ADAMTS3: variants seen among roughly 807,000 people sequenced by gnomAD.
ADAMTS3 encodes the protein ADAM metallopeptidase with thrombospondin type 1 motif 3.
A neutral mutation model predicts 129.0 loss-of-function variants in ADAMTS3; 73 were observed. That is an observed-to-expected ratio of 0.57 (90% CI 0.47 to 0.69). ADAMTS3 has a LOEUF of 0.69. Ranked by LOEUF, ADAMTS3 falls within the 30% of genes least tolerant of loss-of-function variation. The probability of loss-of-function intolerance (pLI) is 0.00; values close to 1 mark genes in which losing one functional copy is unlikely to be tolerated. For missense variants in ADAMTS3, 1,457 were observed against 1,514.5 expected, an observed-to-expected ratio of 0.96 and a Z score of 0.63; for synonymous variants, 477 against 510.8, an observed-to-expected ratio of 0.93 and a Z score of 0.89.
chr4:72,343,439 C>A (rs948847794), intron 4 of ADAMTS3, among the ~76,000 whole-genome samples: 1 of 152,110 alleles, frequency 6.6e-6, no homozygotes, highest in African/African-American at 2.4e-5. Flanking sequence ...AAACATGTTA[C>A]CAAAAACTTC....
At position 72,480,576 on chromosome 4, in the gene ADAMTS3, A is replaced by C. The variant is rs190733045; in HGVS notation, c.505-65605T>G. ...CGGGGGACGGGGGAGGGATAGCATT[A>C]GGAGATATACCTAATGCTAAATGAC... On this transcript the variant is annotated intron_variant, in intron 3 of 21. Transcript: ENST00000286657. Among the ~76,000 whole-genome samples, 241 of 152,164 alleles carry C rather than the reference A, an allele frequency of 1.6e-3. 2 individuals carry two copies. Among genetic ancestry groups the C allele is most frequent in the African/African-American group, 5.6e-3 (231 of 41,536 alleles).
intron 2 of ADAMTS3, among the ~76,000 whole-genome samples, chr4:72,561,580 G>A (rs1441646885): frequency 1.3e-5 from 2 of 152,008 alleles, no homozygotes; most frequent in Non-Finnish European, 2.9e-5. Context: ...AAGAGAACTG[G>A]AACTCATGAA....
At chr4:72,333,443 A>T (rs1301942912) in intron 5 of ADAMTS3, among the ~76,000 whole-genome samples, 5 of 152,172 alleles carry the variant, frequency 3.3e-5, no homozygotes, top group Non-Finnish European at 5.9e-5. Context: ...ATTTTACCAT[A>T]AACTATCTAT....
chr4:72,472,377 C>A (rs1719094962), intron 3 of ADAMTS3, among the ~76,000 whole-genome samples: 2 of 151,988 alleles, frequency 1.3e-5, no homozygotes, highest in South Asian at 4.1e-4. Context: ...TATCTTTTAA[C>A]AACATGCAAA....
chr4:72,391,887 C>A (rs1471200276), intron 4 of ADAMTS3, among the ~76,000 whole-genome samples: 1 of 152,084 alleles, frequency 6.6e-6, no homozygotes, highest in African/African-American at 2.4e-5. Flanking sequence ...AAGAAGATAA[C>A]CTACAATCTG....
intron 12 of ADAMTS3, among the ~76,000 whole-genome samples, 171 bp from the exon 13 acceptor site, chr4:72,312,637 C>G: frequency 6.6e-6 from 1 of 152,154 alleles, no homozygotes; most frequent in South Asian, 2.1e-4. Context: ...TCTCTCCCTG[C>G]TGGGTGGAAA....
chr4:72,514,468 T>C (rs929832729), intron 3 of ADAMTS3, among the ~76,000 whole-genome samples: 4 of 152,140 alleles, frequency 2.6e-5, no homozygotes, highest in African/African-American at 9.7e-5. Context: ...CAAGACCAAA[T>C]CAAGCTAAGA....
At chr4:72,300,502 CT>C (rs1718921664) in intron 17 of ADAMTS3, among the ~76,000 whole-genome samples, 1 of 152,066 alleles carries the variant, frequency 6.6e-6, no homozygotes, top group African/African-American at 2.4e-5. Flanking sequence ...CTAAATAAAA[CT>C]TTGATTAACA....
intron 3 of ADAMTS3, among the ~76,000 whole-genome samples, chr4:72,479,782 C>T (rs1327355298): frequency 7.9e-5 from 12 of 152,108 alleles, no homozygotes; most frequent in African/African-American, 2.4e-4. Context: ...AGAAAATTTT[C>T]GCAACCTACT....
intron 17 of ADAMTS3, among the ~76,000 whole-genome samples, chr4:72,299,079 GT>G (rs1718887680): frequency 6.6e-6 from 1 of 151,272 alleles, no homozygotes; most frequent in African/African-American, 2.4e-5. Flanking sequence ...GTGTGTGTGT[GT>G]GTGTGTGTGT....
chr4:72,466,042 T>A (rs761555800), intron 3 of ADAMTS3, among the ~76,000 whole-genome samples: 29 of 152,066 alleles, frequency 1.9e-4, no homozygotes, highest in African/African-American at 6.8e-4. Context: ...ATTAGCAGCA[T>A]GAGAACTGAC....
intron 4 of ADAMTS3, among the ~76,000 whole-genome samples, chr4:72,378,417 CTATT>C (rs1721189969): frequency 6.6e-6 from 1 of 152,086 alleles, no homozygotes; most frequent in Non-Finnish European, 1.5e-5. Flanking sequence ...ATAACAGAAA[CTATT>C]TATATCAATG....
intron 21 of ADAMTS3, 62 bp from the exon 22 acceptor site, chr4:72,283,766 A>G (rs1408110972): frequency 1.4e-6 from 2 of 1,409,802 alleles, no homozygotes; most frequent in African/African-American, 2.9e-5. Context: ...AAAGGAGGAA[A>G]AAAATTAAAA....
intron 3 of ADAMTS3, among the ~76,000 whole-genome samples, chr4:72,515,954 G>A (rs544180471): frequency 1.5e-3 from 232 of 152,268 alleles, no homozygotes; most frequent in African/African-American, 4.6e-3. Context: ...TTCTTCTAGG[G>A]TTTTTATGGT....
intron 4 of ADAMTS3, among the ~76,000 whole-genome samples, chr4:72,383,754 T>G (rs2109882576): frequency 6.6e-6 from 1 of 152,254 alleles, no homozygotes; most frequent in African/African-American, 2.4e-5. Context: ...ATCTCTACAA[T>G]GTATCATTCA....
intron 3 of ADAMTS3, among the ~76,000 whole-genome samples, chr4:72,513,750 T>A (rs1578749077): frequency 6.6e-6 from 1 of 152,128 alleles, no homozygotes; most frequent in African/African-American, 2.4e-5. Flanking sequence ...ATATATTGCA[T>A]AATGGTAAGG....
chr4:72,499,104 T>C (rs994085007), intron 3 of ADAMTS3, among the ~76,000 whole-genome samples: 1 of 152,108 alleles, frequency 6.6e-6, no homozygotes, highest in African/African-American at 2.4e-5. Flanking sequence ...GCACCCCATG[T>C]GAGACTCATA....
At chr4:72,564,250 T>C (rs1282896843) in intron 2 of ADAMTS3, among the ~76,000 whole-genome samples, 3 of 152,140 alleles carry the variant, frequency 2.0e-5, no homozygotes, top group Admixed American at 1.3e-4. Flanking sequence ...TGGTGGCTTA[T>C]GAAACAAAAG....
intron 3 of ADAMTS3, among the ~76,000 whole-genome samples, chr4:72,439,603 T>A (rs993764651): frequency 1.3e-5 from 2 of 151,710 alleles, no homozygotes; most frequent in Non-Finnish European, 3.0e-5. Flanking sequence ...AAAATCATAT[T>A]ATTTAGATTA....
Sources: gnomAD v4.1 joint callset for allele counts (sites outside exome capture counted in the v4.1 genomes callset) on GRCh38, gnomAD v4.1.1 for gene constraint, MANE v1.5 for transcripts, NCBI Gene and HGNC (gene_info 2026-07-23, HGNC 2026-07-21) for gene names.